The following CECR2 variants were observed in gnomAD, a reference collection of about 807,000 sequenced individuals.
The protein encoded by CECR2 is CECR2 histone acetyl-lysine reader, also known as chromatin remodeling regulator CECR2.
In CECR2, 30 loss-of-function variants were observed where a neutral mutation model predicts 154.5. That is an observed-to-expected ratio of 0.19 (90% CI 0.15 to 0.26). The LOEUF (loss-of-function observed/expected upper bound fraction) is 0.26. CECR2 is among the 10% of genes least tolerant of loss of function. The probability of loss-of-function intolerance (pLI) is 1.00; values close to 1 mark genes in which losing one functional copy is unlikely to be tolerated. For missense variants in CECR2, 1,743 were observed against 1,829.3 expected (o/e 0.95, Z 0.86); for synonymous variants, 725 against 683.7 (o/e 1.06, Z -0.94).
intron 1 of CECR2, among the ~76,000 whole-genome samples, chr22:17,381,884 A>ATT (rs35781889): frequency 0.019 from 2,664 of 140,762 alleles, 81 homozygotes; most frequent in African/African-American, 0.066. Flanking sequence ...GAGCCCCCAC[A>ATT]TTTTTTTTTT....
At chr22:17,523,983 C>CA (rs1331329239) in intron 8 of CECR2, 135 bp from the exon 9 acceptor site, 1 of 682,208 alleles carries the variant, frequency 1.5e-6, no homozygotes, top group African/African-American at 1.8e-5. Context: ...TTACAGATAA[C>CA]AAAATCAGCT....
intron 9 of CECR2, among the ~76,000 whole-genome samples, chr22:17,530,476 A>C (rs2056337411): frequency 6.6e-6 from 1 of 152,022 alleles, no homozygotes; most frequent in African/African-American, 2.4e-5. Context: ...GATTGACACC[A>C]TCCTGGCCAA....
intron 8 of CECR2, among the ~76,000 whole-genome samples, chr22:17,519,646 C>T (rs371657579): frequency 2.0e-5 from 3 of 152,172 alleles, no homozygotes; most frequent in East Asian, 3.9e-4. Context: ...TGAGATATTA[C>T]ATATTAAGAA....
At chr22:17,514,541 T>A (rs1357525583) in intron 8 of CECR2, among the ~76,000 whole-genome samples, 1 of 152,172 alleles carries the variant, frequency 6.6e-6, no homozygotes, top group Non-Finnish European at 1.5e-5. Flanking sequence ...AAGAAAAAAA[T>A]TGCAGCCTAA....
intron 1 of CECR2, among the ~76,000 whole-genome samples, chr22:17,469,711 T>C (rs928145820): frequency 5.3e-5 from 8 of 152,078 alleles, no homozygotes; most frequent in African/African-American, 1.7e-4. Context: ...TTCAAGCATA[T>C]CTGGAAATCT....
intron 1 of CECR2, among the ~76,000 whole-genome samples, chr22:17,474,819 A>T (rs555244435): frequency 1.3e-5 from 2 of 152,292 alleles, no homozygotes; most frequent in Non-Finnish European, 2.9e-5. Flanking sequence ...ATCTTCTCAA[A>T]TGTGGCCTTT....
intron 18 of CECR2, 79 bp downstream of exon 18, chr22:17,552,221 G>T: frequency 1.5e-6 from 2 of 1,323,452 alleles, no homozygotes; most frequent in African/African-American, 1.5e-5. Flanking sequence ...TTGCTGTTCT[G>T]AAAAAATGTT....
chr22:17,534,154 G>T (rs1328222463), intron 9 of CECR2, among the ~76,000 whole-genome samples: 1 of 152,162 alleles, frequency 6.6e-6, no homozygotes, highest in African/African-American at 2.4e-5. Context: ...GACCTTGAGA[G>T]AAAACATGGG....
intron 2 of CECR2, among the ~76,000 whole-genome samples, chr22:17,478,571 G>C (rs4819455): frequency 0.79 from 120,013 of 151,896 alleles, 47,633 homozygotes; most frequent in African/African-American, 0.87. Flanking sequence ...TAGCCAGGAT[G>C]GTCTCGATCT....
At chr22:17,371,493 G>C (rs765810736) in intron 1 of CECR2, among the ~76,000 whole-genome samples, 4 of 152,186 alleles carry the variant, frequency 2.6e-5, no homozygotes, top group Non-Finnish European at 5.9e-5. Flanking sequence ...GACGAAAGAA[G>C]AGAAACAGAG....
intron 1 of CECR2, among the ~76,000 whole-genome samples, chr22:17,463,005 T>G (rs1005923868): frequency 7.9e-5 from 12 of 152,314 alleles, no homozygotes; most frequent in Admixed American, 3.9e-4. Flanking sequence ...GGGGTTTGCT[T>G]AATAATGGTG....
chr22:17,510,446 G>A (rs768977942), intron 7 of CECR2, among the ~76,000 whole-genome samples: 13 of 150,520 alleles, frequency 8.6e-5, no homozygotes, highest in Non-Finnish European at 1.6e-4. Flanking sequence ...CTCCATCCTC[G>A]GCGACAGAAC....
chr22:17,396,166 C>CA lies in CECR2; in HGVS notation c.126+26258dup, dbSNP rs200950706. Among the ~76,000 whole-genome samples the CA allele has an allele frequency of 5.7e-3, 860 of 150,064 alleles. 7 individuals carry two copies. Among genetic ancestry groups the CA allele is most frequent in the Middle Eastern group, 0.021 (6 of 292 alleles). ...GTGAGGTGGGAGGATTGCTTGAGCC[C>CA]AGGAGGTTGAGGCTGTAGTAAGCCA... On this transcript the variant is annotated intron_variant, in intron 1 of 18. Transcript: ENST00000262608.
At chr22:17,518,547 G>T in intron 8 of CECR2, 1 of 276,108 alleles carries the variant, frequency 3.6e-6, no homozygotes. Flanking sequence ...TGGACTTCTA[G>T]AATCTCCTTC....
At position 17,422,673 on chromosome 22, in the gene CECR2, A is replaced by G. The variant is rs1017469878; in HGVS notation, c.126+52764A>G. Among the ~76,000 whole-genome samples, 3 of 149,016 alleles carry G rather than the reference A, an allele frequency of 2.0e-5. No individual in the cohort carries two copies. In the East Asian group the frequency reaches 5.8e-4, roughly 29 times the overall value. On this transcript the variant is annotated intron_variant, in intron 1 of 18. Coordinates refer to ENST00000262608, the MANE Select transcript of CECR2 (RefSeq NM_001290047.2). ...ATATTACACCTTTTGTACCTGTCCCAGAGTTCTTGGGTATTATCTTCTGTT... is the reference window on the plus strand; with the variant it reads ...ATATTACACCTTTTGTACCTGTCCCGGAGTTCTTGGGTATTATCTTCTGTT...
At chr22:17,413,788 T>C (rs927676202) in intron 1 of CECR2, among the ~76,000 whole-genome samples, 2 of 151,220 alleles carry the variant, frequency 1.3e-5, no homozygotes, top group African/African-American at 4.9e-5. Context: ...GCCATTCTCC[T>C]GCCTCAGCTT....
At chr22:17,493,249 G>A (rs867466548) in intron 2 of CECR2, among the ~76,000 whole-genome samples, 24 of 152,266 alleles carry the variant, frequency 1.6e-4, no homozygotes, top group Middle Eastern at 3.4e-3. Flanking sequence ...TGGGATTACC[G>A]GCGTGAGCTA....
intron 6 of CECR2, among the ~76,000 whole-genome samples, chr22:17,504,634 G>T (rs548138294): frequency 1.7e-3 from 256 of 150,180 alleles, no homozygotes; most frequent in African/African-American, 5.9e-3. Flanking sequence ...GTAGAGACGG[G>T]GTTTCACCGT....
chr22:17,395,558 T>C (rs2053796009), intron 1 of CECR2, among the ~76,000 whole-genome samples: 1 of 152,144 alleles, frequency 6.6e-6, no homozygotes, highest in Non-Finnish European at 1.5e-5. Context: ...TTGGCCAGGC[T>C]GGTTTCTAAC....
Sources: allele counts gnomAD v4.1 joint callset (sites outside exome capture counted in the v4.1 genomes callset), GRCh38; gene constraint gnomAD v4.1.1; transcripts MANE v1.5; gene names NCBI Gene and HGNC (gene_info 2026-07-23, HGNC 2026-07-21).